Variants in MMP14 observed in about 807,000 individuals in gnomAD.
MMP14 encodes the protein matrix metalloproteinase-14.
MMP14 carries 13 observed loss-of-function variants against 64.8 expected under a neutral mutation model. That is an observed-to-expected ratio of 0.20 (90% confidence interval 0.13 to 0.32). The LOEUF is 0.32. Among genes scored for constraint, MMP14 ranks in the 10% least tolerant of loss-of-function variants. MMP14 has a pLI of 1.00. For synonymous variants in MMP14, 322 were observed against 315.9 expected, an observed-to-expected ratio of 1.02 and a Z score of -0.20; for missense variants, 594 against 783.8, an observed-to-expected ratio of 0.76 and a Z score of 2.89.
At chr14:22,844,158 T>C (rs563668692) in intron 6 of MMP14, among the ~76,000 whole-genome samples, 1 of 151,074 alleles carries the variant, frequency 6.6e-6, no homozygotes, top group Admixed American at 6.6e-5. Context: ...GATAGGGCCA[T>C]TGCACTCCAG....
In MMP14 at chr14:22,842,103, G is replaced by A; in HGVS notation, c.380+68G>A. On this transcript the variant is annotated intron_variant, in intron 3 of 9. Coordinates refer to ENST00000311852, the MANE Select transcript of MMP14 (RefSeq NM_004995.4). This position sits in a 1 kb window ranked among gnomAD's most constrained non-coding sequence, Gnocchi z 5.3. ...ATTTCCTACCCATTGTGCTTATGCA[G>A]GGACTCAGAGACCCCCTGCCCCACT... 4 of 1,593,988 alleles carry A rather than the reference G, an allele frequency of 2.5e-6. No individual in the cohort carries two copies. Among genetic ancestry groups the A allele is most frequent in the Non-Finnish European group, 2.6e-6 (3 of 1,165,946 alleles).
Position 22,836,922 on chromosome 14 carries a change from C to G in MMP14, c.105C>G (p.Pro35=), listed in dbSNP as rs775146016. The change falls in exon 1 of 10, where the codon CCC becomes CCG. Residue 35 remains proline (P), a synonymous_variant. Transcript: ENST00000311852. ...LGSAQSSSFS[P]EAWLQQYGYL... Reference sequence around the variant, plus strand: ...CGGCCCAAAGCAGCAGCTTCAGCCCCGAAGTAAGTGAGCTTCCCGGCCCTT... The same window carrying G: ...CGGCCCAAAGCAGCAGCTTCAGCCCGGAAGTAAGTGAGCTTCCCGGCCCTT... The G allele has an allele frequency of 5.6e-6, 9 of 1,612,806 alleles. No individual in the cohort carries two copies. Among genetic ancestry groups the G allele is most frequent in the Middle Eastern group, 1.6e-4 (1 of 6,074 alleles).
chr14:22,842,141 TG>T lies in MMP14; in HGVS notation c.380+109del, dbSNP rs1243412576. On this transcript the variant is annotated intron_variant, in intron 3 of 9. Coordinates refer to ENST00000311852, the MANE Select transcript of MMP14 (RefSeq NM_004995.4). The surrounding 1 kb of genome is among the most constrained non-coding windows in gnomAD (Gnocchi z 5.3). ...CCCCTGCCCCACTCCCCTCAGTTCC[TG>T]GGAAGCATCCGTGGGAGTGGGGAGG... 6 of 1,481,506 alleles carry T rather than the reference TG, an allele frequency of 4.0e-6. No individual in the cohort carries two copies. Among genetic ancestry groups the T allele is most frequent in the African/African-American group, 2.8e-5 (2 of 72,172 alleles). 91.8% of individuals were successfully genotyped at this position (1,481,506 alleles called of 1,614,324 possible). A position where few individuals can be genotyped will look rare whatever the true frequency, so the allele number is the denominator to read the frequency against.
In MMP14 at chr14:22,842,167, GA is replaced by G; in HGVS notation, c.380+136del. 1 of 1,311,236 alleles carries G rather than the reference GA, an allele frequency of 7.6e-7. No homozygotes were observed. Among genetic ancestry groups the G allele is most frequent in the Non-Finnish European group, 1.1e-6 (1 of 941,068 alleles). The allele number at this position is 1,311,236 out of a possible 1,614,324, so 81.2% of individuals were successfully genotyped here. ...GGGAAGCATCCGTGGGAGTGGGGAGGAAAATGGCTCTCATCCTTGAGAGAGG... is the reference window on the plus strand; with the variant it reads ...GGGAAGCATCCGTGGGAGTGGGGAGGAAATGGCTCTCATCCTTGAGAGAGG... On this transcript the variant is annotated intron_variant, in intron 3 of 9. Transcript: ENST00000311852. This position sits in a 1 kb window ranked among gnomAD's most constrained non-coding sequence, Gnocchi z 5.3.
chr14:22,839,401 G>A (rs557745595), intron 1 of MMP14, among the ~76,000 whole-genome samples: 17 of 152,400 alleles, frequency 1.1e-4, no homozygotes, highest in African/African-American at 4.1e-4. Flanking sequence ...AGCTCCCTGA[G>A]AGCAGCCCCG....
intron 1 of MMP14, among the ~76,000 whole-genome samples, chr14:22,838,951 C>A (rs1389194668): frequency 1.3e-5 from 2 of 152,154 alleles, no homozygotes; most frequent in Non-Finnish European, 2.9e-5. Context: ...ATTTTTCTCC[C>A]GAGGGTATGG....
intron 7 of MMP14, 45 bp from the exon 8 acceptor site, chr14:22,844,585 T>TA: frequency 6.2e-7 from 1 of 1,613,688 alleles, no homozygotes; most frequent in South Asian, 1.1e-5. Flanking sequence ...CTAAAGTCCC[T>TA]AGAGCCTAAG....
chr14:22,837,175 TC>T (rs2039739991), intron 1 of MMP14: 1 of 659,100 alleles, frequency 1.5e-6, no homozygotes, highest in African/African-American at 1.8e-5. Flanking sequence ...CCTTCTTTTT[TC>T]CCAGTCCTTG....
Position 22,847,644 on chromosome 14 carries a change from G to C in MMP14, c.*1605G>C, listed in dbSNP as rs1054121173. 6.6e-6 allele frequency: 1 copy of C among 150,586 alleles called. No individual in the cohort carries two copies. Among genetic ancestry groups the C allele is most frequent in the East Asian group, 1.9e-4 (1 of 5,160 alleles). 9.3% of individuals were successfully genotyped at this position (150,586 alleles called of 1,614,324 possible). On this transcript the variant is annotated 3_prime_UTR_variant, in exon 10 of 10. Coordinates refer to ENST00000311852, the MANE Select transcript of MMP14 (RefSeq NM_004995.4). ...AAGGGGCATGGGGAGGGGTGGGGGT[G>C]GGGGGGCAGAGGCGTCTGACCCCAG...
At position 22,846,210 on chromosome 14, in the gene MMP14, T is replaced by A. The variant is rs1016629034; in HGVS notation, c.*171T>A. On this transcript the variant is annotated 3_prime_UTR_variant, in exon 10 of 10. Coordinates refer to ENST00000311852, the MANE Select transcript of MMP14 (RefSeq NM_004995.4). Reference sequence around the variant, plus strand: ...CCTTCACCCTGACCGCCTCCCTCCCTCCTGCCCCGGCATTGCATCTTCCCT... The same window carrying A: ...CCTTCACCCTGACCGCCTCCCTCCCACCTGCCCCGGCATTGCATCTTCCCT... 6.5e-5 allele frequency: 42 copies of A among 642,576 alleles called. No individual in the cohort carries two copies. The highest frequency in any genetic ancestry group is 7.8e-6 in the Non-Finnish European group (3 of 383,984). 39.8% of individuals were successfully genotyped at this position (642,576 alleles called of 1,614,324 possible). A position where few individuals can be genotyped will look rare whatever the true frequency, so the allele number is the denominator to read the frequency against.
rs2039793030 is a variant in MMP14 at position 22,843,998 on chromosome 14, G to GGC, written c.1011+128_1011+129insGC. ...ATCACCTGAGGTCTGGAGTTCGAGA[G>GGC]CAGGCTGGCCAACATAGTGAAACCC... On this transcript the variant is annotated intron_variant, in intron 6 of 9. Transcript: ENST00000311852. This position sits in a 1 kb window ranked among gnomAD's most constrained non-coding sequence, Gnocchi z 4.8. 2.5e-6 allele frequency: 3 copies of GGC among 1,213,380 alleles called. No individual in the cohort carries two copies. In the African/African-American group the frequency reaches 4.6e-5, roughly 19 times the overall value. 75.2% of individuals were successfully genotyped at this position (1,213,380 alleles called of 1,614,324 possible). A position where few individuals can be genotyped will look rare whatever the true frequency, so the allele number is the denominator to read the frequency against.
rs762874639 is a variant in MMP14, at chr14:22,846,577, G to A, written c.*538G>A. The A allele has an allele frequency of 6.5e-6, 1 of 153,390 alleles. No individual in the cohort carries two copies. Among genetic ancestry groups the A allele is most frequent in the Non-Finnish European group, 1.5e-5 (1 of 68,612 alleles). 9.5% of individuals were successfully genotyped at this position (153,390 alleles called of 1,614,324 possible). A position where few individuals can be genotyped will look rare whatever the true frequency, so the allele number is the denominator to read the frequency against. On this transcript the variant is annotated 3_prime_UTR_variant, in exon 10 of 10. Transcript: ENST00000311852. ...TAGAGACCCTGAGACAGTGTGAGGG[G>A]GTGGGGACTGCCAAGCCACCCTAAG...
At position 22,842,469 on chromosome 14, in the gene MMP14, C is replaced by T. The variant is rs544049459; in HGVS notation, c.440C>T (p.Ala147Val). 1.9e-6 allele frequency: 3 copies of T among 1,614,100 alleles called. No individual in the cohort carries two copies. The highest frequency in any genetic ancestry group is 1.7e-5 in the Admixed American group (1 of 60,010). Residue 147 changes from alanine to valine, a missense_variant, in exon 4 of 10, where the codon GCG (alanine) becomes GTG (valine). Ala to Val is a moderately conservative substitution (Grantham distance 64). Around this residue, in one of 4 missense-constraint regions of MMP14, gnomAD observed 179 missense variants for 283.4 expected, o/e 0.63. Transcript: ENST00000311852. The surrounding 1 kb of genome is among the most constrained non-coding windows in gnomAD (Gnocchi z 5.3). ...GCCACATACGAGGCCATTCGCAAGG[C>T]GTTCCGCGTGTGGGAGAGTGCCACA... ...EYATYEAIRK[A>V]FRVWESATPL...
intron 1 of MMP14, chr14:22,837,134 A>C (rs1595011950): frequency 2.5e-5 from 17 of 674,128 alleles, no homozygotes; most frequent in African/African-American, 5.7e-5. Context: ...AGCTGCCCCC[A>C]CCCCCTGCGC....
At chr14:22,837,152 T>C in intron 1 of MMP14, 1 of 682,160 alleles carries the variant, frequency 1.5e-6, no homozygotes. Context: ...CGCCGCCGAC[T>C]CTCCTTCCCA....
At position 22,846,137 on chromosome 14, in the gene MMP14, G is replaced by A; in HGVS notation, c.*98G>A. ...GGGTGGGCTGTTCCCATCGTCCCGAGCCCCCTCCCCGCAGCCTCCTTGCTT... is the reference window on the plus strand; with the variant it reads ...GGGTGGGCTGTTCCCATCGTCCCGAACCCCCTCCCCGCAGCCTCCTTGCTT... On this transcript the variant is annotated 3_prime_UTR_variant, in exon 10 of 10. Transcript: ENST00000311852. 10 of 1,195,898 alleles carry A rather than the reference G, an allele frequency of 8.4e-6. No individual in the cohort carries two copies. The highest frequency in any genetic ancestry group is 3.2e-5 in the South Asian group (2 of 62,080). The allele number at this position is 1,195,898 out of a possible 1,614,324, so 74.1% of individuals were successfully genotyped here. A position where few individuals can be genotyped will look rare whatever the true frequency, so the allele number is the denominator to read the frequency against.
intron 1 of MMP14, chr14:22,837,313 T>G (rs755083865): frequency 1.5e-5 from 7 of 467,706 alleles, no homozygotes; most frequent in South Asian, 1.1e-4. Flanking sequence ...CTCCTCGTCA[T>G]GCGCGAGAGT....
At chr14:22,841,891 C>T in intron 2 of MMP14, 22 bp from the exon 3 acceptor site, 1 of 1,614,130 alleles carries the variant, frequency 6.2e-7, no homozygotes, top group Non-Finnish European at 8.5e-7. Flanking sequence ...GATCCCAATC[C>T]TCGCACCCAA....
At chr14:22,837,257 C>A in intron 1 of MMP14, 1 of 529,672 alleles carries the variant, frequency 1.9e-6, no homozygotes, top group Non-Finnish European at 3.6e-6. Flanking sequence ...GCTCTGGAAC[C>A]GCCTGATAAA....
Sources: gnomAD v4.1 joint callset for allele counts (sites outside exome capture counted in the v4.1 genomes callset) on GRCh38, gnomAD v4.1.1 for gene constraint, gnomAD v4.1.1 regional missense constraint, Gnocchi (gnomAD v3.1) non-coding constraint, MANE v1.5 for transcripts, NCBI Gene and HGNC (gene_info 2026-07-23, HGNC 2026-07-21) for gene names.